The following SLC27A2 variants were observed in gnomAD, a reference collection of about 807,000 sequenced individuals.
SLC27A2 encodes long-chain fatty acid transport protein 2.
SLC27A2 carries 54 observed loss-of-function variants against 60.0 expected under a neutral mutation model. That is an observed-to-expected ratio of 0.90 (90% CI 0.72 to 1.13). SLC27A2 has a LOEUF of 1.13. Among genes scored for constraint, SLC27A2 ranks in the 50% most tolerant of loss-of-function variants. The pLI is 0.00. For synonymous variants in SLC27A2, 297 were observed against 297.6 expected (o/e 1.00, Z 0.02); for missense variants, 739 against 777.6 (o/e 0.95, Z 0.59).
chr15:50,212,726 GACAA>G (rs1169407977), intron 4 of SLC27A2, among the ~76,000 whole-genome samples: 3 of 152,266 alleles, frequency 2.0e-5, no homozygotes, highest in Non-Finnish European at 4.4e-5. Flanking sequence ...GTCGTTTTCA[GACAA>G]ACAAATGCTG....
At chr15:50,213,963 G>C (rs1050772472) in intron 4 of SLC27A2, among the ~76,000 whole-genome samples, 1 of 151,094 alleles carries the variant, frequency 6.6e-6, no homozygotes, top group Non-Finnish European at 1.5e-5. Context: ...ACCAAGATCA[G>C]AGCAGAACTA....
intron 2 of SLC27A2, chr15:50,198,269 C>T (rs2045039988): frequency 6.6e-6 from 1 of 151,028 alleles, no homozygotes; most frequent in South Asian, 2.1e-4. Context: ...CATTATGAGC[C>T]ACTAAGAAGA....
Position 50,223,021 on chromosome 15 carries a change from A to C in SLC27A2, c.1029A>C (p.Gly343=), listed in dbSNP as rs773215437. The change falls in exon 5 of 10, where the codon GGA becomes GGC. Residue 343 remains glycine, a synonymous_variant. Coordinates refer to ENST00000267842, the MANE Select transcript of SLC27A2 (RefSeq NM_003645.4). ...VRLALGNGLR[G]DVWRQFVKRF... is the part of the protein sequence containing the mutation. The stretch of plus-strand genomic sequence containing the variant: ...TGGCACTGGGAAATGGCTTACGAGG[A>C]GATGTGTGGAGACAATTTGTCAAGA... 2.5e-6 allele frequency: 4 copies of C among 1,613,792 alleles called. No homozygotes were observed. Among genetic ancestry groups the C allele is most frequent in the Middle Eastern group, 1.6e-4 (1 of 6,062 alleles).
intron 4 of SLC27A2, among the ~76,000 whole-genome samples, chr15:50,208,995 T>C (rs1293995850): frequency 2.6e-5 from 4 of 152,124 alleles, no homozygotes; most frequent in Non-Finnish European, 4.4e-5. Flanking sequence ...AGACTGAAGC[T>C]ACAGTCTGTA....
At chr15:50,183,892 A>G (rs1043453635) in intron 1 of SLC27A2, among the ~76,000 whole-genome samples, 4 of 150,488 alleles carry the variant, frequency 2.7e-5, no homozygotes, top group African/African-American at 9.7e-5. Flanking sequence ...ATAACATATC[A>G]CTATCCCCAC....
At chr15:50,197,907 C>T (rs1018898009) in intron 2 of SLC27A2, among the ~76,000 whole-genome samples, 198 bp downstream of exon 2, 9 of 152,112 alleles carry the variant, frequency 5.9e-5, no homozygotes, top group African/African-American at 2.2e-4. Flanking sequence ...GCATATTTTC[C>T]GCCAGTTGGT....
intron 4 of SLC27A2, among the ~76,000 whole-genome samples, chr15:50,210,437 C>A (rs1313745515): frequency 6.6e-6 from 1 of 152,166 alleles, no homozygotes; most frequent in African/African-American, 2.4e-5. Context: ...AGTTAGAGAG[C>A]CAAACCGAGC....
intron 4 of SLC27A2, among the ~76,000 whole-genome samples, chr15:50,218,060 CAAAAAAAA>C (rs34661754): frequency 0.022 from 1,407 of 63,924 alleles, 11 homozygotes; most frequent in Admixed American, 0.033. Context: ...GACTCTGTCT[CAAAAAAAA>C]AAAAAAAAAA....
At chr15:50,187,995 G>A (rs1394173910) in intron 1 of SLC27A2, among the ~76,000 whole-genome samples, 2 of 150,056 alleles carry the variant, frequency 1.3e-5, no homozygotes, top group East Asian at 3.9e-4. Context: ...AGGAGAGAGA[G>A]TCCCAACAAG....
chr15:50,208,768 G>C (rs891418216), intron 4 of SLC27A2, among the ~76,000 whole-genome samples: 1 of 152,178 alleles, frequency 6.6e-6, no homozygotes, highest in African/African-American at 2.4e-5. Flanking sequence ...ATATTATAGT[G>C]AATATTTTCT....
intron 1 of SLC27A2, among the ~76,000 whole-genome samples, chr15:50,185,831 G>T (rs1381255948): frequency 2.6e-5 from 4 of 151,644 alleles, no homozygotes; most frequent in African/African-American, 9.7e-5. Flanking sequence ...GGGTTTCACC[G>T]TGTTAGCCAG....
At chr15:50,188,312 G>T (rs546402826) in intron 1 of SLC27A2, among the ~76,000 whole-genome samples, 14 of 152,278 alleles carry the variant, frequency 9.2e-5, no homozygotes, top group African/African-American at 3.4e-4. Flanking sequence ...TTCATTAAAG[G>T]ATATTGCGAT....
chr15:50,209,015 G>T (rs1053083235), intron 4 of SLC27A2, among the ~76,000 whole-genome samples: 2 of 152,248 alleles, frequency 1.3e-5, no homozygotes, highest in African/African-American at 2.4e-5. Context: ...ACTGGACAAG[G>T]CTCCAGTACA....
At chr15:50,233,383 C>T (rs2045328953) in intron 8 of SLC27A2, among the ~76,000 whole-genome samples, 1 of 152,160 alleles carries the variant, frequency 6.6e-6, no homozygotes, top group Non-Finnish European at 1.5e-5. Context: ...AAGTAACTTC[C>T]TGTAGCCACC....
At chr15:50,196,073 AAAAAATATATATATATATATATATAT>A (rs1443659477) in intron 1 of SLC27A2, among the ~76,000 whole-genome samples, 578 of 19,202 alleles carry the variant, frequency 0.03, 61 homozygotes, top group Admixed American at 0.049. Flanking sequence ...AAAAAAAAAA[AAAAAATATATATATATATATATATAT>A]ATATATATAT....
chr15:50,201,964 G>C (rs1372698118), intron 2 of SLC27A2, among the ~76,000 whole-genome samples: 2 of 152,198 alleles, frequency 1.3e-5, no homozygotes, highest in Admixed American at 1.3e-4. Context: ...CTGACTCTCA[G>C]CCTTCACATC....
At chr15:50,209,759 A>G (rs1324511313) in intron 4 of SLC27A2, among the ~76,000 whole-genome samples, 1 of 152,314 alleles carries the variant, frequency 6.6e-6, no homozygotes, top group Admixed American at 6.5e-5. Flanking sequence ...GAAGTGTAAC[A>G]TATTAATTAT....
intron 1 of SLC27A2, among the ~76,000 whole-genome samples, chr15:50,196,776 C>T (rs1344120853): frequency 6.6e-6 from 1 of 151,994 alleles, no homozygotes; most frequent in Non-Finnish European, 1.5e-5. Context: ...GATTAGAAAA[C>T]AGGCTTTTGA....
In SLC27A2 at chr15:50,223,017, G is replaced by A. The variant is rs2045254272; in HGVS notation, c.1025G>A (p.Arg342Gln). Residue 342 changes from arginine to glutamine, a missense_variant, in exon 5 of 10, where the codon CGA (arginine) becomes CAA (glutamine). Transcript: ENST00000267842. Reference sequence around the variant, plus strand: ...AGACTGGCACTGGGAAATGGCTTACGAGGAGATGTGTGGAGACAATTTGTC... The same window carrying A: ...AGACTGGCACTGGGAAATGGCTTACAAGGAGATGTGTGGAGACAATTTGTC... Reference protein sequence around the residue: ...KVRLALGNGLRGDVWRQFVKR... With the variant: ...KVRLALGNGLQGDVWRQFVKR... 3.7e-6 allele frequency: 6 copies of A among 1,613,876 alleles called. No homozygotes were observed. Among genetic ancestry groups the A allele is most frequent in the East Asian group, 2.2e-5 (1 of 44,856 alleles).
Sources: gnomAD v4.1 joint callset for allele counts (sites outside exome capture counted in the v4.1 genomes callset) on GRCh38, gnomAD v4.1.1 for gene constraint, MANE v1.5 for transcripts, NCBI Gene and HGNC (gene_info 2026-07-23, HGNC 2026-07-21) for gene names.